SLC9C2: variants seen among roughly 807,000 people sequenced by gnomAD.
SLC9C2 encodes solute carrier family 9 member C2 (putative).
A neutral mutation model predicts 140.2 loss-of-function variants in SLC9C2; 75 were observed. The ratio of observed to expected loss-of-function variants is 0.53; its 90% CI spans 0.44 to 0.65. SLC9C2 has a LOEUF of 0.65. SLC9C2 is among the 30% of genes least tolerant of loss of function. SLC9C2 has a pLI of 0.00. For synonymous variants in SLC9C2, 375 were observed against 420.9 expected, an observed-to-expected ratio of 0.89 and a Z score of 1.34; for missense variants, 1,074 against 1,331.8, an observed-to-expected ratio of 0.81 and a Z score of 3.01.
At chr1:173,513,720 C>T (rs1472848600) in intron 23 of SLC9C2, among the ~76,000 whole-genome samples, 10 of 152,112 alleles carry the variant, frequency 6.6e-5, no homozygotes, top group African/African-American at 2.4e-4. Context: ...GCTCTTGCTT[C>T]TCTAGCTCTT....
At chr1:173,517,429 T>C (rs190273830) in intron 23 of SLC9C2, 108 bp downstream of exon 23, 2 of 1,075,406 alleles carry the variant, frequency 1.9e-6, no homozygotes, top group African/African-American at 1.6e-5. Context: ...TACCTCCCAA[T>C]AGCTGGTTGG....
At chr1:173,556,821 G>T (rs1291311690) in intron 10 of SLC9C2, among the ~76,000 whole-genome samples, 1 of 151,868 alleles carries the variant, frequency 6.6e-6, no homozygotes, top group African/African-American at 2.4e-5. Context: ...CCAGCTACTT[G>T]GGAAGCTGAG....
Position 173,601,960 on chromosome 1 carries a change from G to A in SLC9C2, c.-79-105C>T, listed in dbSNP as rs1666811303. On this transcript the variant is annotated intron_variant, in intron 1 of 27. Coordinates refer to ENST00000367714, the MANE Select transcript of SLC9C2 (RefSeq NM_178527.4). ...CTCAGATCTGAACATGTCTCTTCTT[G>A]TCACAGGGCACACATTAATACCTCT... 6 of 688,418 alleles carry A rather than the reference G, an allele frequency of 8.7e-6. No individual in the cohort carries two copies. The South Asian group carries it at 1.1e-4, about 13-fold the overall frequency. The allele number at this position is 688,418 out of a possible 1,614,324, so 42.6% of individuals were successfully genotyped here.
At chr1:173,566,374 T>G (rs1470449003) in intron 9 of SLC9C2, among the ~76,000 whole-genome samples, 2 of 152,142 alleles carry the variant, frequency 1.3e-5, no homozygotes, top group African/African-American at 4.8e-5. Context: ...TATTGGTCTG[T>G]TCAGGTTTTG....
chr1:173,570,139 T>C (rs987402246), intron 9 of SLC9C2, among the ~76,000 whole-genome samples: 2 of 152,122 alleles, frequency 1.3e-5, no homozygotes, highest in Admixed American at 6.5e-5. Flanking sequence ...CTACTTGGTG[T>C]CTACCCCACT....
Position 173,521,368 on chromosome 1 carries a change from C to A in SLC9C2, c.2672G>T (p.Gly891Val). 1 of 1,546,462 alleles carries A rather than the reference C, an allele frequency of 6.5e-7. No individual in the cohort carries two copies. Among genetic ancestry groups the A allele is most frequent in the East Asian group, 2.4e-5 (1 of 41,266 alleles). Residue 891 changes from glycine (G) to valine (V), a missense_variant, in exon 22 of 28, where the codon GGA becomes GTA. Coordinates refer to ENST00000367714, the MANE Select transcript of SLC9C2 (RefSeq NM_178527.4). ...TTCACCTCCTTTACAAATGGTATCT[C>A]CAGAGTCAAAACAGGCAAGTTTGGC... ...ERAKLACFDS[G>V]DTICKGGEMP...
At chr1:173,521,870 G>C (rs1421428151) in intron 21 of SLC9C2, among the ~76,000 whole-genome samples, 1 of 133,380 alleles carries the variant, frequency 7.5e-6, no homozygotes, top group Non-Finnish European at 1.5e-5. Context: ...AAGAAGACAG[G>C]GACAGGGCGC....
chr1:173,592,335 G>A lies in SLC9C2; in HGVS notation c.358-4505C>T, dbSNP rs145604326. ...GTTCTTTTTGCTTAGGATTGCTTTA[G>A]CTATTTGGGGTCTTTTTTGGTTCCA... On this transcript the variant is annotated intron_variant, in intron 4 of 27. Coordinates refer to ENST00000367714, the MANE Select transcript of SLC9C2 (RefSeq NM_178527.4). Among the ~76,000 whole-genome samples, 10 of 152,298 alleles carry A rather than the reference G, an allele frequency of 6.6e-5. No homozygotes were observed. The East Asian group carries it at 1.9e-3, about 29-fold the overall frequency.
chr1:173,554,750 T>C lies in SLC9C2; in HGVS notation c.1280A>G (p.Gln427Arg), dbSNP rs1367736437. Residue 427 changes from glutamine to arginine, a missense_variant, in exon 11 of 28, where the codon CAG becomes CGG. Coordinates refer to ENST00000367714, the MANE Select transcript of SLC9C2 (RefSeq NM_178527.4). ...TMGINSYVMT[Q>R]SARKLDLCVL... ...TACTTTACCTAACTTCCTGGCTGAC[T>C]GAGTCATCACGTATGAATTTATTCC... The C allele has an allele frequency of 6.2e-7, 1 of 1,606,476 alleles. No individual in the cohort carries two copies. Among genetic ancestry groups the C allele is most frequent in the Non-Finnish European group, 8.5e-7 (1 of 1,173,142 alleles).
In SLC9C2 at chr1:173,548,473, T is replaced by C; in HGVS notation, c.1377A>G (p.Thr459=). The C allele has an allele frequency of 6.2e-7, 1 of 1,613,812 alleles. No individual in the cohort carries two copies. The highest frequency in any genetic ancestry group is 8.5e-7 in the Non-Finnish European group (1 of 1,179,800). Residue 459 remains threonine, a synonymous_variant, in exon 12 of 28, where the codon ACA becomes ACG. Transcript: ENST00000367714. The part of the protein sequence containing the change: ...TQHIQEIVQN[T]ITLFKTEKIL... ...TTTTTTCTGTTTTAAATAAAGTTAT[T>C]GTGTTCTGTACTATCTCCTGTATGT...
chr1:173,512,599 C>T (rs559069645), intron 23 of SLC9C2, among the ~76,000 whole-genome samples: 1 of 152,296 alleles, frequency 6.6e-6, no homozygotes, highest in East Asian at 1.9e-4. Flanking sequence ...CAGCTGCAAA[C>T]AGAGACAATT....
chr1:173,532,937 C>T (rs1661686481), intron 17 of SLC9C2, among the ~76,000 whole-genome samples: 1 of 152,034 alleles, frequency 6.6e-6, no homozygotes, highest in African/African-American at 2.4e-5. Flanking sequence ...ACAGAGAGTA[C>T]ATACAATATA....
In SLC9C2 at chr1:173,533,770, G is replaced by C; in HGVS notation, c.2002C>G (p.Gln668Glu). The change falls in exon 17 of 28, where the codon CAA becomes GAA. Residue 668 changes from glutamine to glutamate, a missense_variant. Transcript: ENST00000367714. Reference protein sequence around the residue: ...KIIILKRKYFQQCWNTLEFFI... With the variant: ...KIIILKRKYFEQCWNTLEFFI... ...AATTCCAAAGTATTCCAACATTGTT[G>C]AAAATATTTCCTTTTCAAAATTATT... The C allele has an allele frequency of 6.2e-7, 1 of 1,603,758 alleles. No individual in the cohort carries two copies. The highest frequency in any genetic ancestry group is 8.5e-7 in the Non-Finnish European group (1 of 1,173,052).
intron 13 of SLC9C2, among the ~76,000 whole-genome samples, chr1:173,540,379 G>T (rs966234280): frequency 2.0e-5 from 3 of 152,212 alleles, no homozygotes; most frequent in African/African-American, 4.8e-5. Context: ...AGCCACCAAG[G>T]TCTGGGTTGC....
intron 26 of SLC9C2, among the ~76,000 whole-genome samples, chr1:173,504,068 G>C (rs1448822706): frequency 1.3e-5 from 2 of 152,172 alleles, no homozygotes; most frequent in Non-Finnish European, 2.9e-5. Flanking sequence ...CCTTGCCATA[G>C]ACTCCTGTGC....
At chr1:173,566,782 G>GT (rs201850319) in intron 9 of SLC9C2, among the ~76,000 whole-genome samples, 36,453 of 142,256 alleles carry the variant, frequency 0.26, 5,422 homozygotes, top group East Asian at 0.64. Context: ...TTTGCTTGGA[G>GT]TTTTTTTTTT....
intron 22 of SLC9C2, among the ~76,000 whole-genome samples, chr1:173,518,023 G>A (rs542809576): frequency 6.6e-6 from 1 of 152,174 alleles, no homozygotes; most frequent in Admixed American, 6.5e-5. Flanking sequence ...CACTTTGGGA[G>A]GCCAAGGCGG....
At chr1:173,501,543 C>G (rs1001434241) in intron 27 of SLC9C2, among the ~76,000 whole-genome samples, 7 of 127,722 alleles carry the variant, frequency 5.5e-5, no homozygotes, top group Non-Finnish European at 1.1e-4. Context: ...CAGAGTCTCA[C>G]TCTGTTGCCC....
At chr1:173,543,027 A>G (rs1428992974) in intron 13 of SLC9C2, among the ~76,000 whole-genome samples, 1 of 152,166 alleles carries the variant, frequency 6.6e-6, no homozygotes, top group African/African-American at 2.4e-5. Context: ...GGCAAGAGAA[A>G]GAAATAAAGG....
Sources: gnomAD v4.1 joint callset for allele counts (sites outside exome capture counted in the v4.1 genomes callset) on GRCh38, gnomAD v4.1.1 for gene constraint, MANE v1.5 for transcripts, NCBI Gene and HGNC (gene_info 2026-07-23, HGNC 2026-07-21) for gene names.